The following SRCIN1 variants were observed in gnomAD, a reference collection of about 807,000 sequenced individuals.
SRCIN1 encodes SRC kinase signaling inhibitor 1.
A neutral mutation model predicts 116.2 loss-of-function variants in SRCIN1; 50 were observed. The ratio of observed to expected loss-of-function variants is 0.43; its 90% CI spans 0.34 to 0.54. SRCIN1 has a LOEUF of 0.54. SRCIN1 is among the 20% of genes least tolerant of loss of function. SRCIN1 has a pLI of 0.02. For missense variants in SRCIN1, 1,446 were observed against 1,672.0 expected, an observed-to-expected ratio of 0.86 and a Z score of 2.36; for synonymous variants, 736 against 750.0, an observed-to-expected ratio of 0.98 and a Z score of 0.30.
Position 38,533,416 on chromosome 17 carries a change from T to G in SRCIN1, c.3433A>C (p.Lys1145Gln). Reference sequence around the variant, plus strand: ...GTCTCATTCGACCCGCTCATCTCTTTAGATGGTTTAGTGGCCTGGAACAAA... The same window carrying G: ...GTCTCATTCGACCCGCTCATCTCTTGAGATGGTTTAGTGGCCTGGAACAAA... The part of the protein sequence containing the change: ...QAQQQATKPS[K>Q]EMSGSNETSS... Residue 1145 changes from lysine (K) to glutamine (Q), a missense_variant, in exon 19 of 19, where the codon AAA becomes CAA. By Grantham distance (53) the Lys-to-Gln change is moderately conservative. Around this residue, in one of 5 missense-constraint regions of SRCIN1, gnomAD observed 531 missense variants for 633.9 expected, o/e 0.84. Coordinates refer to ENST00000617146, the MANE Select transcript of SRCIN1 (RefSeq NM_025248.3). 6.2e-7 allele frequency: 1 copy of G among 1,613,208 alleles called. No individual in the cohort carries two copies. Among genetic ancestry groups the G allele is most frequent in the Non-Finnish European group, 8.5e-7 (1 of 1,179,676 alleles).
intron 1 of SRCIN1, among the ~76,000 whole-genome samples, chr17:38,586,260 G>A (rs1447447933): frequency 6.6e-6 from 1 of 152,238 alleles, no homozygotes; most frequent in African/African-American, 2.4e-5. Flanking sequence ...AGAGGGTCGA[G>A]GCCAGGGAGG....
chr17:38,593,477 G>A (rs776294349), intron 1 of SRCIN1, among the ~76,000 whole-genome samples: 2 of 152,124 alleles, frequency 1.3e-5, no homozygotes, highest in African/African-American at 4.8e-5. Flanking sequence ...GGAGGGTGTA[G>A]GGCTGAGGCT....
intron 1 of SRCIN1, among the ~76,000 whole-genome samples, chr17:38,587,418 G>A (rs189266816): frequency 7.2e-5 from 11 of 152,092 alleles, no homozygotes; most frequent in Admixed American, 5.2e-4. Flanking sequence ...CTCAGCTCTC[G>A]GGAAGAGGTG....
At chr17:38,598,205 G>A (rs773703408) in intron 1 of SRCIN1, among the ~76,000 whole-genome samples, 2 of 152,058 alleles carry the variant, frequency 1.3e-5, no homozygotes, top group Non-Finnish European at 2.9e-5. Flanking sequence ...AAGAATGGGG[G>A]ACTCATCAGG....
chr17:38,571,957 C>A (rs376065528), intron 2 of SRCIN1, among the ~76,000 whole-genome samples: 3 of 152,192 alleles, frequency 2.0e-5, no homozygotes, highest in Admixed American at 6.5e-5. Context: ...GTTTTCCCCC[C>A]CTCGGCCCTC....
intron 11 of SRCIN1, among the ~76,000 whole-genome samples, chr17:38,553,377 G>GC (rs1378535407): frequency 6.6e-6 from 1 of 152,230 alleles, no homozygotes; most frequent in East Asian, 1.9e-4. Context: ...TGCACCATCT[G>GC]CCCCCTTGGA....
At chr17:38,581,472 T>G (rs1180851276) in intron 1 of SRCIN1, among the ~76,000 whole-genome samples, 1 of 151,156 alleles carries the variant, frequency 6.6e-6, no homozygotes, top group Non-Finnish European at 1.5e-5. Context: ...AGGTCTTTTT[T>G]TTTTTTTTTA....
chr17:38,552,480 C>T lies in SRCIN1; in HGVS notation c.2447G>A (p.Arg816His), dbSNP rs372518162. ...CTGGGCCAGCGTGTCCGTGACCCCG[C>T]GGCAGCGCTTGAGGAGCCCATCCAG... is the stretch of plus-strand genomic sequence containing the variant. Reference protein sequence around the residue: ...QRLDGLLKRCRGVTDTLAQIR... With the variant: ...QRLDGLLKRCHGVTDTLAQIR... The change falls in exon 13 of 19, where the codon CGC (arginine) becomes CAC (histidine). Residue 816 changes from arginine (R) to histidine (H), a missense_variant. Around this residue, in one of 5 missense-constraint regions of SRCIN1, gnomAD observed 531 missense variants for 633.9 expected, o/e 0.84. Transcript: ENST00000617146. This position sits in a 1 kb window ranked among gnomAD's most constrained non-coding sequence, Gnocchi z 5.3. The T allele has an allele frequency of 1.3e-4, 207 of 1,603,380 alleles. 1 individual carries two copies. In the South Asian group the frequency reaches 1.5e-3, roughly 12 times the overall value.
At position 38,557,182 on chromosome 17, in the gene SRCIN1, CA is replaced by C. The variant is rs575775621; in HGVS notation, c.2201+1044del. Among the ~76,000 whole-genome samples, 482 of 152,350 alleles carry C rather than the reference CA, an allele frequency of 3.2e-3. 2 individuals carry two copies. Among genetic ancestry groups the C allele is most frequent in the African/African-American group, 0.011 (471 of 41,570 alleles). On this transcript the variant is annotated intron_variant, in intron 11 of 18. Coordinates refer to ENST00000617146, the MANE Select transcript of SRCIN1 (RefSeq NM_025248.3). Reference sequence around the variant, plus strand: ...ATGTACCACCAGGCTATGTGGGCCTCAGGCTGAGGAGCAGCAACCCATCTCA... The same window carrying C: ...ATGTACCACCAGGCTATGTGGGCCTCGGCTGAGGAGCAGCAACCCATCTCA...
intron 14 of SRCIN1, 37 bp from the exon 15 acceptor site, chr17:38,551,426 C>T (rs1905401668): frequency 6.5e-7 from 1 of 1,546,908 alleles, no homozygotes; most frequent in Non-Finnish European, 8.8e-7. Context: ...TGAGGTAGCT[C>T]TCCTGCTCCA....
At position 38,578,564 on chromosome 17, in the gene SRCIN1, T is replaced by C. The variant is rs1597920594; in HGVS notation, c.250A>G (p.Met84Val). Reference sequence around the variant, plus strand: ...GGGTACTTGCTCTTCAGGTGGTCCATGAAGGCATCACGCTTGCGGTCGGCG... The same window carrying C: ...GGGTACTTGCTCTTCAGGTGGTCCACGAAGGCATCACGCTTGCGGTCGGCG... ...ADADRKRDAFMDHLKSKYPQH... is the reference protein window; with the variant it reads ...ADADRKRDAFVDHLKSKYPQH... Residue 84 changes from methionine to valine, a missense_variant, in exon 2 of 19, where the codon ATG (methionine) becomes GTG (valine). Physicochemically the swap from Met to Val is conservative, Grantham distance 21. Transcript: ENST00000617146. The C allele has an allele frequency of 6.2e-7, 1 of 1,611,296 alleles. No individual in the cohort carries two copies. The highest frequency in any genetic ancestry group is 1.3e-5 in the African/African-American group (1 of 74,844).
intron 1 of SRCIN1, among the ~76,000 whole-genome samples, chr17:38,593,825 G>T (rs931886195): frequency 6.6e-6 from 1 of 152,078 alleles, no homozygotes; most frequent in African/African-American, 2.4e-5. Context: ...GGCTGACCCC[G>T]GTGTCCACTA....
rs548180642 is a variant in SRCIN1 at position 38,559,609 on chromosome 17, C to G, written c.2001G>C (p.Gln667His). The change falls in exon 10 of 19, where the codon CAG becomes CAC. Residue 667 changes from glutamine to histidine, a missense_variant. Physicochemically the swap from Gln to His is conservative, Grantham distance 24. Transcript: ENST00000617146. ...CCTGGAGCTTGCGCAACTGCTGGAGCTGGCCGCGCAAGTCACTGGCGCTGT... is the reference window on the plus strand; with the variant it reads ...CCTGGAGCTTGCGCAACTGCTGGAGGTGGCCGCGCAAGTCACTGGCGCTGT... Reference protein sequence around the residue: ...LQNSASDLRGQLQQLRKLQLQ... With the variant: ...LQNSASDLRGHLQQLRKLQLQ... 2 of 1,602,134 alleles carry G rather than the reference C, an allele frequency of 1.2e-6. No individual in the cohort carries two copies. Among genetic ancestry groups the G allele is most frequent in the Admixed American group, 1.7e-5 (1 of 59,932 alleles).
chr17:38,551,843 G>T (rs1905438502), intron 14 of SRCIN1, 43 bp downstream of exon 14: 1 of 1,610,722 alleles, frequency 6.2e-7, no homozygotes, highest in Non-Finnish European at 8.5e-7. Context: ...AAGAATGTGT[G>T]AACCTGGCTC....
intron 1 of SRCIN1, among the ~76,000 whole-genome samples, chr17:38,598,334 T>C (rs1321797876): frequency 6.6e-6 from 1 of 152,146 alleles, no homozygotes; most frequent in Non-Finnish European, 1.5e-5. Context: ...GCTGGGGTCA[T>C]TCATTCTTCC....
In SRCIN1 at chr17:38,572,175, GGTGCACACACC is replaced by G. The variant is rs754616542; in HGVS notation, c.325-3955_325-3945del. On this transcript the variant is annotated intron_variant, in intron 2 of 18. Coordinates refer to ENST00000617146, the MANE Select transcript of SRCIN1 (RefSeq NM_025248.3). This position sits in a 1 kb window ranked among gnomAD's most constrained non-coding sequence, Gnocchi z 4.3. ...CTTAATCCCCTGGCTGTGCTGCACC[GGTGCACACACC>G]CACCTCTCAACTCCCATGAACACGA... is the stretch of plus-strand genomic sequence containing the variant. Among the ~76,000 whole-genome samples the G allele has an allele frequency of 3.7e-3, 568 of 152,278 alleles. No homozygotes were observed. Among genetic ancestry groups the G allele is most frequent in the Non-Finnish European group, 6.3e-3 (431 of 68,010 alleles).
chr17:38,549,297 T>C (rs1771480092), intron 15 of SRCIN1, 87 bp from the exon 16 acceptor site: 4 of 1,331,322 alleles, frequency 3.0e-6, no homozygotes, highest in African/African-American at 1.5e-5. Flanking sequence ...TAAACCTTGC[T>C]TCTTCCTCCA....
At chr17:38,589,112 G>A (rs1908304037) in intron 1 of SRCIN1, among the ~76,000 whole-genome samples, 1 of 152,210 alleles carries the variant, frequency 6.6e-6, no homozygotes. Context: ...CATGGGCCCA[G>A]TCACAGCCTG....
intron 1 of SRCIN1, among the ~76,000 whole-genome samples, chr17:38,590,665 G>A (rs1456151264): frequency 6.6e-6 from 1 of 152,246 alleles, no homozygotes; most frequent in Non-Finnish European, 1.5e-5. Context: ...TGAAGAAACT[G>A]AGGCTCAGGA....
Sources: allele counts gnomAD v4.1 joint callset (sites outside exome capture counted in the v4.1 genomes callset), GRCh38; gene constraint gnomAD v4.1.1; regional missense constraint gnomAD v4.1.1; non-coding constraint Gnocchi (gnomAD v3.1); transcripts MANE v1.5; gene names NCBI Gene and HGNC (gene_info 2026-07-23, HGNC 2026-07-21).